Variants in EDN1 observed in about 807,000 individuals in gnomAD.
EDN1 encodes endothelin 1.
EDN1 carries 11 observed loss-of-function variants against 21.7 expected under a neutral mutation model. The ratio of observed to expected loss-of-function variants is 0.51; its 90% CI spans 0.32 to 0.84. The LOEUF (loss-of-function observed/expected upper bound fraction) is 0.84. EDN1 is among the 40% of genes least tolerant of loss of function. The pLI is 0.03. For missense variants in EDN1, 244 were observed against 262.3 expected (o/e 0.93, Z 0.48); for synonymous variants, 85 against 90.6 (o/e 0.94, Z 0.35).
At chr6:12,246,861 A>G in the EDN1 span, among the ~76,000 whole-genome samples, 2 of 152,212 alleles carry the variant, frequency 1.3e-5, no homozygotes, top group Non-Finnish European at 2.9e-5. Flanking sequence ...CTCAAACTGG[A>G]GATAATAATC....
the EDN1 span, among the ~76,000 whole-genome samples, chr6:12,275,931 G>A: frequency 1.3e-5 from 2 of 152,062 alleles, no homozygotes; most frequent in Non-Finnish European, 2.9e-5. Flanking sequence ...GGGAGGCCAA[G>A]GTGGGTGGAT....
the EDN1 span, among the ~76,000 whole-genome samples, chr6:12,269,908 A>G: frequency 6.6e-6 from 1 of 152,072 alleles, no homozygotes; most frequent in Non-Finnish European, 1.5e-5. Flanking sequence ...AATGTTTGGT[A>G]TAATACAGCA....
chr6:12,280,658 C>G, the EDN1 span, among the ~76,000 whole-genome samples: 1 of 152,084 alleles, frequency 6.6e-6, no homozygotes, highest in Non-Finnish European at 1.5e-5. Flanking sequence ...ATTTTTGGAG[C>G]CTGAGACGGA....
chr6:12,273,136 C>T, the EDN1 span, among the ~76,000 whole-genome samples: 1 of 152,180 alleles, frequency 6.6e-6, no homozygotes, highest in Non-Finnish European at 1.5e-5. Context: ...GGAGGGACCT[C>T]TTGCCCGGTG....
At chr6:12,285,174 A>C in the EDN1 span, among the ~76,000 whole-genome samples, 4 of 152,160 alleles carry the variant, frequency 2.6e-5, no homozygotes, top group Non-Finnish European at 5.9e-5. Context: ...TCTTAGTCTA[A>C]TTTATAGGTT....
upstream of EDN1, among the ~76,000 whole-genome samples, chr6:12,288,201 C>T (rs924136100): frequency 3.3e-5 from 5 of 151,854 alleles, no homozygotes; most frequent in African/African-American, 1.2e-4. Flanking sequence ...CATGTTGGTC[C>T]TGACTGTTGT....
At chr6:12,256,631 A>G in the EDN1 span, among the ~76,000 whole-genome samples, 7 of 152,158 alleles carry the variant, frequency 4.6e-5, no homozygotes, top group Non-Finnish European at 8.8e-5. Flanking sequence ...CTTTCTCCCT[A>G]TGAGCTCCCG....
Position 12,293,928 on chromosome 6 carries a change from C to A in EDN1, c.234-13C>A, listed in dbSNP as rs749579399. ...TTACACTAATATAGTTTCTTTCTCTCTTTGGATAATAGGCACGTTGTTCCG... is the reference window on the plus strand; with the variant it reads ...TTACACTAATATAGTTTCTTTCTCTATTTGGATAATAGGCACGTTGTTCCG... On this transcript the variant is annotated splice_polypyrimidine_tract_variant and intron_variant, in intron 2 of 4. Transcript: ENST00000379375. The A allele has an allele frequency of 1.2e-6, 2 of 1,614,030 alleles. No homozygotes were observed. Among genetic ancestry groups the A allele is most frequent in the South Asian group, 2.2e-5 (2 of 91,074 alleles).
chr6:12,241,418 G>A, the EDN1 span, among the ~76,000 whole-genome samples: 67 of 151,862 alleles, frequency 4.4e-4, no homozygotes, highest in African/African-American at 1.5e-3. Context: ...TGATCTGCCC[G>A]CCTCAGCCTC....
At chr6:12,250,753 T>C in the EDN1 span, among the ~76,000 whole-genome samples, 1 of 152,222 alleles carries the variant, frequency 6.6e-6, no homozygotes, top group East Asian at 1.9e-4. Flanking sequence ...ATAGCATTCC[T>C]TTTAAAGGTT....
upstream of EDN1, among the ~76,000 whole-genome samples, chr6:12,285,700 A>G (rs140051345): frequency 3.9e-3 from 601 of 152,230 alleles, 3 homozygotes; most frequent in African/African-American, 0.014. Flanking sequence ...CCTCTTGAGT[A>G]GCTGGGATTA....
chr6:12,264,314 T>G, the EDN1 span, among the ~76,000 whole-genome samples: 4 of 152,190 alleles, frequency 2.6e-5, no homozygotes, highest in Admixed American at 6.5e-5. Flanking sequence ...GAAATAAAGT[T>G]CTTAACCTCT....
At chr6:12,272,452 C>CTTTTTTT in the EDN1 span, among the ~76,000 whole-genome samples, 1 of 106,810 alleles carries the variant, frequency 9.4e-6, no homozygotes, top group Non-Finnish European at 1.8e-5. Flanking sequence ...GAGTCATACT[C>CTTTTTTT]TTTTTTTTTT....
the EDN1 span, among the ~76,000 whole-genome samples, chr6:12,232,297 A>T: frequency 6.7e-6 from 1 of 150,366 alleles, no homozygotes; most frequent in Admixed American, 6.6e-5. Context: ...CATAGTCTCT[A>T]CCAATACATA....
At chr6:12,287,827 T>C (rs1028193316), upstream of EDN1, among the ~76,000 whole-genome samples, 2 of 151,888 alleles carry the variant, frequency 1.3e-5, no homozygotes, top group African/African-American at 2.4e-5. Flanking sequence ...CCATTATATT[T>C]GGCACGGTGG....
At chr6:12,273,636 T>A in the EDN1 span, among the ~76,000 whole-genome samples, 1 of 125,210 alleles carries the variant, frequency 8.0e-6, no homozygotes, top group Non-Finnish European at 1.7e-5. Flanking sequence ...TCAGTTATGG[T>A]TTACCTGCAA....
At chr6:12,293,788 TC>T (rs1581886848) in intron 2 of EDN1, among the ~76,000 whole-genome samples, 152 bp from the exon 3 acceptor site, 1 of 152,354 alleles carries the variant, frequency 6.6e-6, no homozygotes, top group East Asian at 1.9e-4. Context: ...GCACAGGTGT[TC>T]CTGGCTGTTG....
At chr6:12,287,958 A>G (rs975002225), upstream of EDN1, among the ~76,000 whole-genome samples, 4 of 151,962 alleles carry the variant, frequency 2.6e-5, no homozygotes, top group South Asian at 2.1e-4. Flanking sequence ...TATTCACGGG[A>G]TGACACAGAC....
At chr6:12,232,442 C>T in the EDN1 span, among the ~76,000 whole-genome samples, 3 of 151,752 alleles carry the variant, frequency 2.0e-5, no homozygotes, top group South Asian at 6.2e-4. Context: ...CCAGGGTACT[C>T]ATAAAATTCA....
Sources: allele counts gnomAD v4.1 joint callset (sites outside exome capture counted in the v4.1 genomes callset), GRCh38; gene constraint gnomAD v4.1.1; transcripts MANE v1.5; gene names NCBI Gene and HGNC (gene_info 2026-07-23, HGNC 2026-07-21).